AHCYL2: variants seen among roughly 807,000 people sequenced by gnomAD.
The protein encoded by AHCYL2 is S-adenosylhomocysteine hydrolase-like protein 2.
In AHCYL2, 28 loss-of-function variants were observed where a neutral mutation model predicts 81.4. The observed-to-expected ratio is 0.34, with a 90% CI of 0.25 to 0.47. The LOEUF is 0.47. Ranked by LOEUF, AHCYL2 falls within the 20% of genes least tolerant of loss-of-function variation. AHCYL2 has a pLI of 1.00. For synonymous variants in AHCYL2, 272 were observed against 290.2 expected (o/e 0.94, Z 0.64); for missense variants, 551 against 785.1 (o/e 0.70, Z 3.56).
At chr7:129,321,718 T>G (rs181818595) in intron 1 of AHCYL2, among the ~76,000 whole-genome samples, 1 of 151,448 alleles carries the variant, frequency 6.6e-6, no homozygotes, top group African/African-American at 2.4e-5. Flanking sequence ...TGGGAGCGTT[T>G]GTATGGAATT....
chr7:129,406,467 G>C lies in AHCYL2; in HGVS notation c.1295+1G>C. On this transcript the variant is annotated splice_donor_variant, in intron 10 of 16. Coordinates refer to ENST00000325006, the MANE Select transcript of AHCYL2 (RefSeq NM_015328.4). LOFTEE classifies it high-confidence loss of function. This position sits in a 1 kb window ranked among gnomAD's most constrained non-coding sequence, Gnocchi z 4.3. ...ACCCCATCTGTGCCCTGCAAGCCTG[G>C]TAAGCCTCTACGCTACCATCTCACT... 1.2e-6 allele frequency: 2 copies of C among 1,613,870 alleles called. No individual in the cohort carries two copies. Among genetic ancestry groups the C allele is most frequent in the South Asian group, 2.2e-5 (2 of 91,054 alleles).
At chr7:129,273,588 A>T (rs1796095271) in intron 1 of AHCYL2, among the ~76,000 whole-genome samples, 1 of 151,954 alleles carries the variant, frequency 6.6e-6, no homozygotes, top group Admixed American at 6.6e-5. Flanking sequence ...TCGGCCTCCC[A>T]AAGTGCTGGG....
At chr7:129,299,022 G>A (rs190337724) in intron 1 of AHCYL2, among the ~76,000 whole-genome samples, 110 of 152,230 alleles carry the variant, frequency 7.2e-4, no homozygotes, top group African/African-American at 2.5e-3. Flanking sequence ...ATACATAAAT[G>A]AATGAGTTCC....
intron 2 of AHCYL2, among the ~76,000 whole-genome samples, chr7:129,382,791 A>C (rs1265745700): frequency 6.6e-6 from 1 of 151,964 alleles, no homozygotes; most frequent in Non-Finnish European, 1.5e-5. Flanking sequence ...CTGTAATCCC[A>C]GCTACTCGGG....
At chr7:129,389,802 C>A in intron 4 of AHCYL2, 68 bp downstream of exon 4, 3 of 1,325,252 alleles carry the variant, frequency 2.3e-6, no homozygotes, top group Non-Finnish European at 3.1e-6. Flanking sequence ...TGAAAGCTTA[C>A]AACATGCCAA....
intron 1 of AHCYL2, among the ~76,000 whole-genome samples, chr7:129,270,538 T>C (rs1795974766): frequency 6.6e-6 from 1 of 152,188 alleles, no homozygotes; most frequent in Admixed American, 6.5e-5. Flanking sequence ...TAATAGACAT[T>C]ATTTTAAATC....
chr7:129,317,158 A>AT (rs1223808780), intron 1 of AHCYL2, among the ~76,000 whole-genome samples: 1 of 152,166 alleles, frequency 6.6e-6, no homozygotes, highest in Admixed American at 6.5e-5. Flanking sequence ...GTATACTTAG[A>AT]TTTTTTTAAA....
rs138689808 is a variant in AHCYL2 at position 129,229,294 on chromosome 7, C to T, written c.363+3855C>T. 8.6e-4 allele frequency among the ~76,000 whole-genome samples: 131 copies of T among 152,216 alleles called. 2 individuals are homozygous for T. The highest frequency in any genetic ancestry group is 2.9e-3 in the African/African-American group (121 of 41,536). Reference sequence around the variant, plus strand: ...GTTGGTCAGGCTGCTTTCAAACTCCCGACCTCAGGTGACCTGCCTGCCTCG... The same window carrying T: ...GTTGGTCAGGCTGCTTTCAAACTCCTGACCTCAGGTGACCTGCCTGCCTCG... On this transcript the variant is annotated intron_variant, in intron 1 of 16. Transcript: ENST00000325006.
intron 1 of AHCYL2, among the ~76,000 whole-genome samples, chr7:129,265,010 G>A (rs899231095): frequency 6.6e-6 from 1 of 152,126 alleles, no homozygotes; most frequent in Non-Finnish European, 1.5e-5. Context: ...TCTAACTTGA[G>A]TAAGTTATAT....
At chr7:129,333,400 T>G (rs1798489691) in intron 1 of AHCYL2, among the ~76,000 whole-genome samples, 1 of 151,844 alleles carries the variant, frequency 6.6e-6, no homozygotes, top group Non-Finnish European at 1.5e-5. Flanking sequence ...TACATATAGG[T>G]GGTCAGTGAC....
intron 12 of AHCYL2, among the ~76,000 whole-genome samples, chr7:129,417,965 T>A (rs910451374): frequency 6.6e-6 from 1 of 152,196 alleles, no homozygotes; most frequent in Non-Finnish European, 1.5e-5. Context: ...GTTAGGGTAG[T>A]CAAGGAAGTC....
chr7:129,381,034 G>A (rs1198042360), intron 2 of AHCYL2, among the ~76,000 whole-genome samples: 1 of 152,180 alleles, frequency 6.6e-6, no homozygotes. Context: ...ACTGCGCCAG[G>A]CCAGGAAACC....
At chr7:129,240,002 TC>T (rs1794791055) in intron 1 of AHCYL2, among the ~76,000 whole-genome samples, 1 of 151,776 alleles carries the variant, frequency 6.6e-6, no homozygotes, top group Admixed American at 6.6e-5. Context: ...GGCGGGTGGA[TC>T]ACCTGAGGTT....
At chr7:129,396,824 G>T (rs919255236) in intron 4 of AHCYL2, among the ~76,000 whole-genome samples, 2 of 152,110 alleles carry the variant, frequency 1.3e-5, no homozygotes, top group African/African-American at 4.8e-5. Flanking sequence ...GGCTCAAGCA[G>T]TCCTCCCACC....
At chr7:129,394,427 C>A in intron 4 of AHCYL2, among the ~76,000 whole-genome samples, 1 of 120,544 alleles carries the variant, frequency 8.3e-6, no homozygotes, top group Non-Finnish European at 1.8e-5. Flanking sequence ...TTTTTCCTGG[C>A]ATTTGTATTT....
intron 1 of AHCYL2, among the ~76,000 whole-genome samples, chr7:129,358,945 T>A (rs147660034): frequency 9.1e-4 from 138 of 152,316 alleles, no homozygotes; most frequent in African/African-American, 3.2e-3. Flanking sequence ...TGGAAAATTG[T>A]TTGACATTAT....
At chr7:129,281,489 ATTTT>A (rs34422629) in intron 1 of AHCYL2, among the ~76,000 whole-genome samples, 1 of 74,144 alleles carries the variant, frequency 1.3e-5, no homozygotes, top group East Asian at 3.8e-4. Flanking sequence ...CTGTTTCTAG[ATTTT>A]TTTTTTTTTT....
chr7:129,347,778 C>A (rs1231618493), intron 1 of AHCYL2, among the ~76,000 whole-genome samples: 3 of 152,084 alleles, frequency 2.0e-5, no homozygotes, highest in East Asian at 1.9e-4. Context: ...AAACATGCAA[C>A]CCCCACAATT....
At chr7:129,410,542 C>T (rs1232452917) in intron 11 of AHCYL2, among the ~76,000 whole-genome samples, 1 of 152,190 alleles carries the variant, frequency 6.6e-6, no homozygotes, top group African/African-American at 2.4e-5. Context: ...GCCGACCTAG[C>T]CCCTTCCCCG....
Sources: gnomAD v4.1 joint callset for allele counts (sites outside exome capture counted in the v4.1 genomes callset) on GRCh38, gnomAD v4.1.1 for gene constraint, Gnocchi (gnomAD v3.1) non-coding constraint, MANE v1.5 for transcripts, NCBI Gene and HGNC (gene_info 2026-07-23, HGNC 2026-07-21) for gene names.